CDH23: variants seen among roughly 807,000 people sequenced by gnomAD.
The protein encoded by CDH23 is cadherin-23.
In CDH23, 189 loss-of-function variants were observed where a neutral mutation model predicts 317.1. The observed-to-expected ratio is 0.60, with a 90% CI of 0.53 to 0.67. CDH23 has a LOEUF of 0.67. CDH23 is among the 30% of genes least tolerant of loss of function. The pLI, the probability that CDH23 is intolerant of heterozygous loss-of-function variation, is 0.00. For synonymous variants in CDH23, 1,839 were observed against 1,876.8 expected (o/e 0.98, Z 0.52); for missense variants, 4,401 against 4,592.4 (o/e 0.96, Z 1.20).
chr10:71,524,823 T>A (rs1854934575), intron 6 of CDH23, among the ~76,000 whole-genome samples: 1 of 152,116 alleles, frequency 6.6e-6, no homozygotes, highest in Non-Finnish European at 1.5e-5. Context: ...AATGTGGGTG[T>A]CCTCTAGAAA....
chr10:71,457,855 C>T (rs73283735), intron 3 of CDH23, among the ~76,000 whole-genome samples: 8,336 of 152,226 alleles, frequency 0.055, 759 homozygotes, highest in African/African-American at 0.19. Context: ...CTTGCTTGCT[C>T]CTGGGTCCAC....
intron 38 of CDH23, among the ~76,000 whole-genome samples, chr10:71,772,321 C>T (rs9415042): frequency 0.74 from 111,849 of 152,054 alleles, 42,319 homozygotes; most frequent in Non-Finnish European, 0.84. Context: ...ATCCTGCCCA[C>T]TGGGTCCCTG....
chr10:71,499,979 A>C (rs1853191736), intron 3 of CDH23, among the ~76,000 whole-genome samples: 1 of 143,542 alleles, frequency 7.0e-6, no homozygotes, highest in South Asian at 2.2e-4. Flanking sequence ...AGAGAGCACC[A>C]CTGCCCTTCA....
intron 1 of CDH23, among the ~76,000 whole-genome samples, chr10:71,404,194 G>A (rs1006789301): frequency 1.3e-5 from 2 of 152,212 alleles, no homozygotes; most frequent in African/African-American, 4.8e-5. Flanking sequence ...ATATACACCT[G>A]TGTAACCGCC....
chr10:71,609,995 T>TGAGAGAGAGA (rs57981317), intron 9 of CDH23, among the ~76,000 whole-genome samples: 6 of 140,820 alleles, frequency 4.3e-5, no homozygotes, highest in South Asian at 4.6e-4. Context: ...TGTGTGTGTG[T>TGAGAGAGAGA]GAGAGAGACA....
In CDH23 at chr10:71,806,313, C is replaced by A. The variant is rs758489521; in HGVS notation, c.8178+32C>A. ...TTGCCCACCTCCTGCGCTGGTCACA[C>A]CCACACAGGGACTCACCTGCCTGCA... is the stretch of plus-strand genomic sequence containing the variant. On this transcript the variant is annotated intron_variant, in intron 57 of 69. Coordinates refer to ENST00000224721, the MANE Select transcript of CDH23 (RefSeq NM_022124.6). 36 of 1,454,060 alleles carry A rather than the reference C, an allele frequency of 2.5e-5. No homozygotes were observed. The South Asian group carries it at 4.1e-4, about 17-fold the overall frequency. 90.1% of individuals were successfully genotyped at this position (1,454,060 alleles called of 1,614,324 possible).
intron 1 of CDH23, among the ~76,000 whole-genome samples, chr10:71,398,809 G>T (rs375584201): frequency 2.0e-5 from 3 of 152,138 alleles, no homozygotes; most frequent in East Asian, 3.9e-4. Flanking sequence ...GGTGTCCCCC[G>T]TGAGTTGGGA....
At chr10:71,509,947 T>A in intron 3 of CDH23, 135 bp from the exon 4 acceptor site, 2 of 935,224 alleles carry the variant, frequency 2.1e-6, no homozygotes, top group Non-Finnish European at 3.3e-6. Context: ...GCCAGGGCCT[T>A]GTGATGATCT....
At chr10:71,808,081 A>C (rs1841794793) in intron 60 of CDH23, 74 bp downstream of exon 60, 1 of 1,530,992 alleles carries the variant, frequency 6.5e-7, no homozygotes, top group Admixed American at 2.0e-5. Context: ...ATCTGGGGGG[A>C]GATGGGGTCT....
chr10:71,556,868 T>C (rs956200594), intron 6 of CDH23, among the ~76,000 whole-genome samples: 1 of 152,202 alleles, frequency 6.6e-6, no homozygotes, highest in East Asian at 1.9e-4. Context: ...ATATTATCTA[T>C]TGATTTTTCA....
intron 6 of CDH23, among the ~76,000 whole-genome samples, chr10:71,565,088 T>A (rs1857325996): frequency 6.6e-6 from 1 of 151,912 alleles, no homozygotes; most frequent in Admixed American, 6.6e-5. Context: ...CCCCATGAAG[T>A]GTTTCGTTCT....
In CDH23 at chr10:71,421,996, C is replaced by A. The variant is rs77369405; in HGVS notation, c.-5-17831C>A. ...GAATGTGTCCTGAGTAGGTAGTGAG[C>A]TTCCCACCCCTGGATGTATACAAGT... On this transcript the variant is annotated intron_variant, in intron 1 of 69. Transcript: ENST00000224721. Among the ~76,000 whole-genome samples the A allele has an allele frequency of 1.4e-3, 212 of 152,304 alleles. 2 individuals are homozygous for A. The East Asian group carries it at 0.038, about 28-fold the overall frequency.
chr10:71,807,584 C>G lies in CDH23; in HGVS notation c.8377C>G (p.Arg2793Gly), dbSNP rs749203752. ...TCTGCTGGTGCTGCGGGACCTGGAC[C>G]GGGAGCGAGAAGCCATCTTCTCCTT... is the stretch of plus-strand genomic sequence containing the variant. ...GCLLVLRDLD[R>G]EREAIFSFIV... The change falls in exon 59 of 70, where the codon CGG becomes GGG. Residue 2793 changes from arginine (R) to glycine (G), a missense_variant. Arg to Gly is a moderately radical substitution (Grantham distance 125, BLOSUM62 -2). Around this residue, in one of 3 missense-constraint regions of CDH23, gnomAD observed 1,144 missense variants for 1,138.2 expected, o/e 1.01. Transcript: ENST00000224721. 1.2e-6 allele frequency: 2 copies of G among 1,613,946 alleles called. No individual in the cohort carries two copies. Among genetic ancestry groups the G allele is most frequent in the Non-Finnish European group, 1.7e-6 (2 of 1,179,886 alleles).
chr10:71,690,592 C>G lies in CDH23; in HGVS notation c.2176+8C>G. ...GGATCAATGCCCGCTCAGGTGAGCCCCCCCACCCCAAGTACCCTGGTCCTC... is the reference window on the plus strand; with the variant it reads ...GGATCAATGCCCGCTCAGGTGAGCCGCCCCACCCCAAGTACCCTGGTCCTC... On this transcript the variant is annotated splice_region_variant and intron_variant, in intron 20 of 69. Coordinates refer to ENST00000224721, the MANE Select transcript of CDH23 (RefSeq NM_022124.6). 1 of 1,569,806 alleles carries G rather than the reference C, an allele frequency of 6.4e-7. No homozygotes were observed. The highest frequency in any genetic ancestry group is 8.7e-7 in the Non-Finnish European group (1 of 1,152,902).
intron 2 of CDH23, among the ~76,000 whole-genome samples, chr10:71,443,622 C>G (rs925299377): frequency 5.3e-5 from 8 of 152,240 alleles, no homozygotes; most frequent in African/African-American, 9.6e-5. Context: ...GGGCAGTGCT[C>G]ACAAGCCACA....
chr10:71,406,511 C>G (rs987981224), intron 1 of CDH23, among the ~76,000 whole-genome samples: 1 of 152,174 alleles, frequency 6.6e-6, no homozygotes, highest in Non-Finnish European at 1.5e-5. Context: ...CTCCAGGGTC[C>G]AGACAACTGG....
At position 71,812,982 on chromosome 10, in the gene CDH23, A is replaced by G. The variant is rs551249338; in HGVS notation, c.9633+92A>G. 1.3e-4 allele frequency: 195 copies of G among 1,549,740 alleles called. 1 individual carries two copies. In the African/African-American group the frequency reaches 1.9e-3, roughly 15 times the overall value. On this transcript the variant is annotated intron_variant, in intron 68 of 69. Coordinates refer to ENST00000224721, the MANE Select transcript of CDH23 (RefSeq NM_022124.6). Reference sequence around the variant, plus strand: ...CAGGGTGGTAGAGACCTCCAGGCTCAGCTAGACCCACCCTCCACTGGGGCG... The same window carrying G: ...CAGGGTGGTAGAGACCTCCAGGCTCGGCTAGACCCACCCTCCACTGGGGCG...
chr10:71,695,276 G>C, intron 21 of CDH23, 142 bp from the exon 22 acceptor site: 1 of 680,976 alleles, frequency 1.5e-6, no homozygotes, highest in Non-Finnish European at 2.7e-6. Context: ...CCCAGGCTCT[G>C]CCCAAGGCTC....
intron 1 of CDH23, among the ~76,000 whole-genome samples, chr10:71,410,107 C>G (rs754404913): frequency 2.6e-5 from 4 of 152,188 alleles, no homozygotes; most frequent in Non-Finnish European, 5.9e-5. Flanking sequence ...CTTGTTTTCT[C>G]TTCCGCAAAA....
Sources: allele counts gnomAD v4.1 joint callset (sites outside exome capture counted in the v4.1 genomes callset), GRCh38; gene constraint gnomAD v4.1.1; regional missense constraint gnomAD v4.1.1; transcripts MANE v1.5; gene names NCBI Gene and HGNC (gene_info 2026-07-23, HGNC 2026-07-21).